The following SPTAN1 variants were observed in gnomAD, a reference collection of about 807,000 sequenced individuals.
SPTAN1 encodes spectrin alpha chain, non-erythrocytic 1.
Under a neutral mutation model 331.3 loss-of-function variants are expected in SPTAN1, and 61 were observed. The ratio of observed to expected loss-of-function variants is 0.18; its 90% CI spans 0.15 to 0.23. SPTAN1 has a LOEUF of 0.23. Among genes scored for constraint, SPTAN1 ranks in the 10% least tolerant of loss-of-function variants. The pLI is 1.00. For synonymous variants in SPTAN1, 1,153 were observed against 1,173.9 expected (o/e 0.98, Z 0.36); for missense variants, 2,043 against 3,147.9 (o/e 0.65, Z 8.40).
chr9:128,608,963 T>G lies in SPTAN1; in HGVS notation c.4581T>G (p.Asn1527Lys). ...AGGGAGACATTTCTAGCCGGCGCAA[T>G]GAGGTCTTGGACAGGTGGGTGTCCT... ...YAKGDISSRR[N>K]EVLDRWRRLK... Residue 1527 changes from asparagine to lysine, a missense_variant, in exon 35 of 57, where the codon AAT (asparagine) becomes AAG (lysine). By Grantham distance (94) the Asn-to-Lys change is moderately conservative (BLOSUM62 0). This residue lies in a region of SPTAN1 where 40 missense variants were observed against 32.6 expected (regional missense o/e 1.23). Coordinates refer to ENST00000372739, the MANE Select transcript of SPTAN1 (RefSeq NM_001130438.3). 3 of 1,614,186 alleles carry G rather than the reference T, an allele frequency of 1.9e-6. No homozygotes were observed. Among genetic ancestry groups the G allele is most frequent in the Non-Finnish European group, 2.5e-6 (3 of 1,180,022 alleles).
chr9:128,580,902 A>G lies in SPTAN1; in HGVS notation c.1324-20A>G. 1.9e-6 allele frequency: 3 copies of G among 1,612,222 alleles called. No homozygotes were observed. Among genetic ancestry groups the G allele is most frequent in the Non-Finnish European group, 2.5e-6 (3 of 1,179,992 alleles). On this transcript the variant is annotated intron_variant, in intron 10 of 56. Coordinates refer to ENST00000372739, the MANE Select transcript of SPTAN1 (RefSeq NM_001130438.3). Reference sequence around the variant, plus strand: ...TGGGGCTGACCTCATCTCCCTGACCATGTCTCCTATGCCCCCAAGCTGACC... The same window carrying G: ...TGGGGCTGACCTCATCTCCCTGACCGTGTCTCCTATGCCCCCAAGCTGACC...
At position 128,566,836 on chromosome 9, in the gene SPTAN1, C is replaced by G. The variant is rs1589149611; in HGVS notation, c.96C>G (p.Leu32=). 1 of 1,614,230 alleles carries G rather than the reference C, an allele frequency of 6.2e-7. No individual in the cohort carries two copies. The highest frequency in any genetic ancestry group is 1.3e-5 in the African/African-American group (1 of 75,066). Residue 32 remains leucine, a synonymous_variant, in exon 2 of 57, where the codon CTC becomes CTG. Coordinates refer to ENST00000372739, the MANE Select transcript of SPTAN1 (RefSeq NM_001130438.3). ...VLDRYHRFKE[L]STLRRQKLED... Reference sequence around the variant, plus strand: ...ACCGATACCACCGCTTCAAGGAACTCTCAACCCTTAGGCGTCAGAAGCTGG... The same window carrying G: ...ACCGATACCACCGCTTCAAGGAACTGTCAACCCTTAGGCGTCAGAAGCTGG...
chr9:128,598,949 C>G lies in SPTAN1; in HGVS notation c.3520-14C>G, dbSNP rs142682344. On this transcript the variant is annotated splice_polypyrimidine_tract_variant and intron_variant, in intron 25 of 56. Transcript: ENST00000372739. ...TCTTCTAATAATAAAACTGGTTTCT[C>G]TCTCTCCTTGTAGGAAGTGTATGGC... The G allele has an allele frequency of 1.1e-3, 1,703 of 1,613,294 alleles. 13 individuals carry two copies. The African/African-American group carries it at 0.019, about 18-fold the overall frequency.
In SPTAN1 at chr9:128,577,053, G is replaced by A; in HGVS notation, c.786-76G>A. 1 of 1,613,912 alleles carries A rather than the reference G, an allele frequency of 6.2e-7. No individual in the cohort carries two copies. Among genetic ancestry groups the A allele is most frequent in the Non-Finnish European group, 8.5e-7 (1 of 1,179,984 alleles). ...CTGGTGAGCTGTCGAGGCTGACTAGGCCTTGGTCCCATGGGGTGTTCCTAG... is the reference window on the plus strand; with the variant it reads ...CTGGTGAGCTGTCGAGGCTGACTAGACCTTGGTCCCATGGGGTGTTCCTAG... On this transcript the variant is annotated intron_variant, in intron 6 of 56. Coordinates refer to ENST00000372739, the MANE Select transcript of SPTAN1 (RefSeq NM_001130438.3). This position sits in a 1 kb window ranked among gnomAD's most constrained non-coding sequence, Gnocchi z 4.2.
chr9:128,632,619 A>T lies in SPTAN1; in HGVS notation c.7061A>T (p.Lys2354Ile). 1.2e-6 allele frequency: 2 copies of T among 1,614,094 alleles called. No individual in the cohort carries two copies. The highest frequency in any genetic ancestry group is 8.5e-7 in the Non-Finnish European group (1 of 1,180,036). The change falls in exon 55 of 57, where the codon AAA (lysine) becomes ATA (isoleucine). Residue 2354 changes from lysine to isoleucine, a missense_variant. By Grantham distance (102) the Lys-to-Ile change is moderately radical (BLOSUM62 -3). Coordinates refer to ENST00000372739, the MANE Select transcript of SPTAN1 (RefSeq NM_001130438.3). ...KSGRLNHQEF[K>I]SCLRSLGYDL... is the part of the protein sequence containing the mutation. Reference sequence around the variant, plus strand: ...GGCAGGCTGAACCATCAGGAGTTCAAATCTTGCCTGCGCTCCCTGGGCTAT... The same window carrying T: ...GGCAGGCTGAACCATCAGGAGTTCATATCTTGCCTGCGCTCCCTGGGCTAT...
chr9:128,584,392 A>C lies in SPTAN1; in HGVS notation c.2304A>C (p.Ala768=), dbSNP rs750518161. The C allele has an allele frequency of 1.2e-6, 2 of 1,614,124 alleles. No individual in the cohort carries two copies. The highest frequency in any genetic ancestry group is 3.3e-5 in the Admixed American group (2 of 60,012). ...AAGCCCTCGTGGCTCGCTATGAGGC[A>C]CTCAAGGAGCCCATGGTTGCCCGGA... is the stretch of plus-strand genomic sequence containing the variant. ...KQEALVARYE[A]LKEPMVARKQ... Residue 768 remains alanine (A), a synonymous_variant, in exon 17 of 57, where the codon GCA becomes GCC. Coordinates refer to ENST00000372739, the MANE Select transcript of SPTAN1 (RefSeq NM_001130438.3).
rs1851874498 is a variant in SPTAN1 at position 128,580,997 on chromosome 9, A to G, written c.1399A>G (p.Met467Val). 12 of 1,614,096 alleles carry G rather than the reference A, an allele frequency of 7.4e-6. No individual in the cohort carries two copies. The highest frequency in any genetic ancestry group is 1.0e-5 in the Non-Finnish European group (12 of 1,180,044). The change falls in exon 11 of 57, where the codon ATG (methionine) becomes GTG (valine). Residue 467 changes from methionine to valine, a missense_variant. Coordinates refer to ENST00000372739, the MANE Select transcript of SPTAN1 (RefSeq NM_001130438.3). ...ELRRQQYEQCMDLQLFYRDTE... is the reference protein window; with the variant it reads ...ELRRQQYEQCVDLQLFYRDTE... ...GCGCAGGCAGCAGTACGAGCAGTGC[A>G]TGGACCTGCAGCTCTTCTACCGGGA...
At chr9:128,588,329 G>A (rs1296544275) in intron 20 of SPTAN1, among the ~76,000 whole-genome samples, 1 of 17,562 alleles carries the variant, frequency 5.7e-5, no homozygotes, top group Non-Finnish European at 1.2e-4. Context: ...TTTTTTTTTT[G>A]AGATGGAGTT....
chr9:128,625,683 G>A lies in SPTAN1; in HGVS notation c.6070-86G>A. 2 of 1,302,312 alleles carry A rather than the reference G, an allele frequency of 1.5e-6. No individual in the cohort carries two copies. The highest frequency in any genetic ancestry group is 2.2e-6 in the Non-Finnish European group (2 of 906,380). 80.7% of individuals were successfully genotyped at this position (1,302,312 alleles called of 1,614,324 possible). A position where few individuals can be genotyped will look rare whatever the true frequency, so the allele number is the denominator to read the frequency against. ...GGACAGTTTGGCTTGGGCATCTGGG[G>A]GACATGCTGGTGCCATCTGAGCCTA... On this transcript the variant is annotated intron_variant, in intron 47 of 56. Transcript: ENST00000372739. This position sits in a 1 kb window ranked among gnomAD's most constrained non-coding sequence, Gnocchi z 4.1.
At chr9:128,626,789 A>G in intron 49 of SPTAN1, 102 bp downstream of exon 49, 1 of 1,181,744 alleles carries the variant, frequency 8.5e-7, no homozygotes, top group Non-Finnish European at 1.2e-6. Context: ...GACGAGCAGG[A>G]TGGAGGAGCA....
Position 128,591,611 on chromosome 9 carries a change from G to A in SPTAN1, c.3141G>A (p.Glu1047=). 1 of 1,614,114 alleles carries A rather than the reference G, an allele frequency of 6.2e-7. No homozygotes were observed. The highest frequency in any genetic ancestry group is 8.5e-7 in the Non-Finnish European group (1 of 1,180,012). The change falls in exon 22 of 57, where the codon GAG becomes GAA. Residue 1047 remains glutamate (E), a synonymous_variant. Coordinates refer to ENST00000372739, the MANE Select transcript of SPTAN1 (RefSeq NM_001130438.3). The part of the protein sequence containing the change: ...EEQGSIALRQ[E]QIDNQTRITK... Reference sequence around the variant, plus strand: ...AAGGCAGCATAGCACTGCGGCAGGAGCAGATTGACAATCAGTAAGGATGAC... The same window carrying A: ...AAGGCAGCATAGCACTGCGGCAGGAACAGATTGACAATCAGTAAGGATGAC...
At chr9:128,561,056 A>G (rs1477058508) in intron 1 of SPTAN1, among the ~76,000 whole-genome samples, 1 of 150,828 alleles carries the variant, frequency 6.6e-6, no homozygotes. Context: ...GAACTAATAA[A>G]TAACCAAACA....
chr9:128,563,789 G>A (rs568248781), intron 1 of SPTAN1, among the ~76,000 whole-genome samples: 6 of 150,642 alleles, frequency 4.0e-5, no homozygotes, highest in Admixed American at 6.6e-5. Context: ...GACTACGGGC[G>A]CATGCCACCA....
chr9:128,608,394 T>C, intron 34 of SPTAN1, 118 bp downstream of exon 34: 1 of 1,263,170 alleles, frequency 7.9e-7, no homozygotes, highest in South Asian at 1.3e-5. Flanking sequence ...AAGAAAAATA[T>C]GTACATAAAT....
chr9:128,598,875 C>G (rs777827536), intron 25 of SPTAN1, 88 bp from the exon 26 acceptor site: 276 of 1,197,262 alleles, frequency 2.3e-4, no homozygotes, highest in Non-Finnish European at 3.1e-4. Context: ...GAATTATCTC[C>G]TGTGTTTCCA....
intron 49 of SPTAN1, 21 bp downstream of exon 49, chr9:128,626,708 A>C: frequency 6.3e-7 from 1 of 1,589,194 alleles, no homozygotes. Flanking sequence ...CGCTGCCCTC[A>C]GGAGCTGCTC....
chr9:128,564,953 G>C (rs999199973), intron 1 of SPTAN1, among the ~76,000 whole-genome samples: 1 of 152,200 alleles, frequency 6.6e-6, no homozygotes, highest in Non-Finnish European at 1.5e-5. Context: ...TACCAGGCAG[G>C]CATGTTGGGC....
chr9:128,588,712 C>T, intron 20 of SPTAN1, 97 bp from the exon 21 acceptor site: 3 of 1,530,936 alleles, frequency 2.0e-6, no homozygotes, highest in Non-Finnish European at 1.8e-6. Flanking sequence ...ATATTTGGTA[C>T]ATTTGGTACA....
chr9:128,633,028 C>A, intron 56 of SPTAN1, 73 bp downstream of exon 56: 5 of 1,601,736 alleles, frequency 3.1e-6, no homozygotes, highest in South Asian at 1.1e-5. Flanking sequence ...AGAGCTGAGT[C>A]TGGGGTAACA....
Sources: gnomAD v4.1 joint callset for allele counts (sites outside exome capture counted in the v4.1 genomes callset) on GRCh38, gnomAD v4.1.1 for gene constraint, gnomAD v4.1.1 regional missense constraint, Gnocchi (gnomAD v3.1) non-coding constraint, MANE v1.5 for transcripts, NCBI Gene and HGNC (gene_info 2026-07-23, HGNC 2026-07-21) for gene names.